Variants in RPTOR observed in about 807,000 individuals in gnomAD.
RPTOR encodes regulatory-associated protein of mTOR.
A neutral mutation model predicts 169.9 loss-of-function variants in RPTOR; 21 were observed. The ratio of observed to expected loss-of-function variants is 0.12; its 90% CI spans 0.09 to 0.18. The LOEUF (loss-of-function observed/expected upper bound fraction) is 0.18. Among genes scored for constraint, RPTOR ranks in the 10% least tolerant of loss-of-function variants. The probability of loss-of-function intolerance (pLI) is 1.00; values close to 1 mark genes in which losing one functional copy is unlikely to be tolerated. For synonymous variants in RPTOR, 732 were observed against 753.2 expected (o/e 0.97, Z 0.46); for missense variants, 1,133 against 1,855.9 (o/e 0.61, Z 7.16).
Position 80,857,864 on chromosome 17 carries a change from C to G in RPTOR, c.1473C>G (p.Leu491=). 1 of 1,613,510 alleles carries G rather than the reference C, an allele frequency of 6.2e-7. No homozygotes were observed. Residue 491 remains leucine, a synonymous_variant, in exon 13 of 34, where the codon CTC becomes CTG. Transcript: ENST00000306801. The part of the protein sequence containing the change: ...QSSARELRPL[L]VFIWAKILAV... Reference sequence around the variant, plus strand: ...CGGCCCGAGAGCTGCGGCCACTTCTCGTTTTCATCTGGGCCAAGATCCTCG... The same window carrying G: ...CGGCCCGAGAGCTGCGGCCACTTCTGGTTTTCATCTGGGCCAAGATCCTCG...
Position 80,545,909 on chromosome 17 carries a change from G to A in RPTOR, c.162+118G>A, listed in dbSNP as rs959693666. On this transcript the variant is annotated intron_variant, in intron 1 of 33. Coordinates refer to ENST00000306801, the MANE Select transcript of RPTOR (RefSeq NM_020761.3). ...ATTTCCCCCTAGCCACACGTTGTAAGTCAACTAGAAAGCAAAAGCCATTTC... is the reference window on the plus strand; with the variant it reads ...ATTTCCCCCTAGCCACACGTTGTAAATCAACTAGAAAGCAAAAGCCATTTC... 52 of 880,034 alleles carry A rather than the reference G, an allele frequency of 5.9e-5. No homozygotes were observed. The South Asian group carries it at 1.1e-3, about 18-fold the overall frequency. The allele number at this position is 880,034 out of a possible 1,614,324, so 54.5% of individuals were successfully genotyped here. A position where few individuals can be genotyped will look rare whatever the true frequency, so the allele number is the denominator to read the frequency against.
At chr17:80,867,993 C>T (rs1421512847) in intron 13 of RPTOR, among the ~76,000 whole-genome samples, 2 of 152,182 alleles carry the variant, frequency 1.3e-5, no homozygotes, top group African/African-American at 4.8e-5. Flanking sequence ...AGGACTAATA[C>T]TACCTGATTA....
intron 12 of RPTOR, among the ~76,000 whole-genome samples, 157 bp downstream of exon 12, chr17:80,855,704 A>C (rs1313636624): frequency 1.3e-5 from 2 of 152,094 alleles, no homozygotes; most frequent in African/African-American, 4.8e-5. Flanking sequence ...GTCACTCCTG[A>C]GGCCCTCAAG....
intron 1 of RPTOR, among the ~76,000 whole-genome samples, chr17:80,554,809 T>G (rs888771173): frequency 6.6e-6 from 1 of 152,008 alleles, no homozygotes; most frequent in Non-Finnish European, 1.5e-5. Flanking sequence ...TCCAGTTGTC[T>G]TCTATGAAGC....
intron 3 of RPTOR, among the ~76,000 whole-genome samples, chr17:80,681,662 G>GTTGAATTTCATTTGATTC (rs1567854330): frequency 7.8e-4 from 66 of 85,158 alleles, no homozygotes; most frequent in African/African-American, 1.3e-3. Flanking sequence ...CCTTCATGAG[G>GTTGAATTTCATTTGATTC]TGTACGTCTC....
chr17:80,693,311 C>T (rs2066008549), intron 3 of RPTOR, among the ~76,000 whole-genome samples: 1 of 152,228 alleles, frequency 6.6e-6, no homozygotes, highest in Admixed American at 6.5e-5. Context: ...CTGCAGACAA[C>T]ACCAGTGCCC....
intron 13 of RPTOR, among the ~76,000 whole-genome samples, chr17:80,873,608 G>T (rs1367751791): frequency 6.6e-6 from 1 of 152,206 alleles, no homozygotes; most frequent in Non-Finnish European, 1.5e-5. Context: ...AGGGCCCCAG[G>T]CGGAGAGGAC....
intron 23 of RPTOR, among the ~76,000 whole-genome samples, chr17:80,924,382 T>C (rs2143984873): frequency 6.6e-6 from 1 of 151,876 alleles, no homozygotes; most frequent in South Asian, 2.1e-4. Context: ...CAGCAATGAG[T>C]GGGGTCCGGG....
At chr17:80,921,407 G>A (rs750359016) in intron 21 of RPTOR, among the ~76,000 whole-genome samples, 1 of 152,130 alleles carries the variant, frequency 6.6e-6, no homozygotes, top group South Asian at 2.1e-4. Flanking sequence ...AGAACCCAGC[G>A]GGACCCGCAT....
chr17:80,720,471 T>C (rs1321294014), intron 4 of RPTOR, among the ~76,000 whole-genome samples: 1 of 152,218 alleles, frequency 6.6e-6, no homozygotes, highest in Non-Finnish European at 1.5e-5. Flanking sequence ...AACTTGACCT[T>C]TCTTTTCTGA....
intron 28 of RPTOR, among the ~76,000 whole-genome samples, chr17:80,953,695 T>G (rs1227723872): frequency 1.3e-5 from 2 of 152,216 alleles, no homozygotes; most frequent in African/African-American, 2.4e-5. Context: ...GCATTCTTTG[T>G]GATTAATGTA....
chr17:80,621,260 T>C (rs1009242404), intron 1 of RPTOR, among the ~76,000 whole-genome samples: 1 of 152,210 alleles, frequency 6.6e-6, no homozygotes, highest in African/African-American at 2.4e-5. Context: ...GGGCTTCTAT[T>C]AATACTTTTG....
At position 80,922,804 on chromosome 17, in the gene RPTOR, G is replaced by A; in HGVS notation, c.2601G>A (p.Lys867=). 6.3e-7 allele frequency: 1 copy of A among 1,583,378 alleles called. No homozygotes were observed. Among genetic ancestry groups the A allele is most frequent in the Non-Finnish European group, 8.5e-7 (1 of 1,169,752 alleles). ...TQSAPASPTN[K]GVHIHQAGGS... ...CGGCCCCCGCCAGCCCCACCAACAA[G>A]GGCGTGCACATCCACCAGGCGGGGT... The change falls in exon 22 of 34, where the codon AAG becomes AAA. Residue 867 remains lysine (K), a synonymous_variant. Transcript: ENST00000306801.
At chr17:80,720,891 C>T (rs1330253149) in intron 4 of RPTOR, among the ~76,000 whole-genome samples, 1 of 151,138 alleles carries the variant, frequency 6.6e-6, no homozygotes, top group African/African-American at 2.5e-5. Context: ...TTGAGAACCC[C>T]TGGTATGGAC....
Position 80,793,502 on chromosome 17 carries a change from C to T in RPTOR, c.890+1993C>T, listed in dbSNP as rs559621127. Among the ~76,000 whole-genome samples the T allele has an allele frequency of 8.5e-5, 13 of 152,242 alleles. No homozygotes were observed. In the East Asian group the frequency reaches 2.1e-3, roughly 25 times the overall value. ...TGGTTTCCTCTGGAGGTGGGAGGGC[C>T]GCAGTATCCTTTCTCCTCCGCCTGG... On this transcript the variant is annotated intron_variant, in intron 7 of 33. Coordinates refer to ENST00000306801, the MANE Select transcript of RPTOR (RefSeq NM_020761.3).
rs371208257 is a variant in RPTOR, at chr17:80,720,697, C to T, written c.508-9863C>T. Among the ~76,000 whole-genome samples the T allele has an allele frequency of 8.5e-5, 13 of 152,326 alleles. No individual in the cohort carries two copies. The South Asian group carries it at 1.7e-3, about 19-fold the overall frequency. On this transcript the variant is annotated intron_variant, in intron 4 of 33. Transcript: ENST00000306801. ...CCTGCATTTAAAACCACGGTCATAG[C>T]GCTGCGGTGCCCATGCTTGAGTGCG... is the stretch of plus-strand genomic sequence containing the variant.
chr17:80,667,078 G>C (rs1298901555), intron 3 of RPTOR, among the ~76,000 whole-genome samples: 1 of 152,188 alleles, frequency 6.6e-6, no homozygotes, highest in Non-Finnish European at 1.5e-5. Context: ...GGAGGAAGGC[G>C]TTCCCGTCTC....
chr17:80,738,054 C>T (rs1014254848), intron 5 of RPTOR, among the ~76,000 whole-genome samples: 2 of 152,044 alleles, frequency 1.3e-5, no homozygotes, highest in Non-Finnish European at 2.9e-5. Context: ...AGTGGGCTGG[C>T]GAGCTGACTT....
In RPTOR at chr17:80,857,792, C is replaced by T. The variant is rs1184204281; in HGVS notation, c.1401C>T (p.Ala467=). ...CTGACGCCCTCCCTCGCCCCCAGGC[C>T]TTGTCTGTCGGCATCTTCCCCTACG... ...LDLGPWAVSL[A]LSVGIFPYVL... Residue 467 remains alanine (A), a splice_region_variant and synonymous_variant, in exon 13 of 34, where the codon GCC becomes GCT. Coordinates refer to ENST00000306801, the MANE Select transcript of RPTOR (RefSeq NM_020761.3). 2.5e-6 allele frequency: 4 copies of T among 1,608,630 alleles called. No homozygotes were observed. The Admixed American group carries it at 6.7e-5, about 27-fold the overall frequency.
Sources: allele counts gnomAD v4.1 joint callset (sites outside exome capture counted in the v4.1 genomes callset), GRCh38; gene constraint gnomAD v4.1.1; transcripts MANE v1.5; gene names NCBI Gene and HGNC (gene_info 2026-07-23, HGNC 2026-07-21).